The following CCDC178 variants were observed in gnomAD, a reference collection of about 807,000 sequenced individuals.
The protein encoded by CCDC178 is coiled-coil domain containing 178.
CCDC178 carries 126 observed loss-of-function variants against 117.4 expected under a neutral mutation model. The observed-to-expected ratio is 1.07, with a 90% CI of 0.93 to 1.24. The LOEUF (loss-of-function observed/expected upper bound fraction) is 1.24, where lower values mean the gene tolerates loss of function less well. CCDC178 is among the 50% of genes most tolerant of loss of function. The pLI, the probability that CCDC178 is intolerant of heterozygous loss-of-function variation, is 0.00. For missense variants in CCDC178, 1,030 were observed against 986.9 expected, an observed-to-expected ratio of 1.04 and a Z score of -0.59; for synonymous variants, 283 against 313.4, an observed-to-expected ratio of 0.90 and a Z score of 1.02.
intron 11 of CCDC178, among the ~76,000 whole-genome samples, chr18:33,300,496 G>C (rs1248343994): frequency 6.6e-6 from 1 of 152,168 alleles, no homozygotes; most frequent in East Asian, 1.9e-4. Flanking sequence ...AGAAGGTTTG[G>C]AACTTCTAAG....
At chr18:33,098,454 C>T (rs751661081) in intron 20 of CCDC178, among the ~76,000 whole-genome samples, 23 of 152,156 alleles carry the variant, frequency 1.5e-4, no homozygotes, top group Non-Finnish European at 2.9e-4. Context: ...ATGTAACTGT[C>T]TGTTGCTGTC....
chr18:32,959,241 A>G (rs895560896), intron 22 of CCDC178, among the ~76,000 whole-genome samples: 6 of 152,144 alleles, frequency 3.9e-5, no homozygotes, highest in Admixed American at 2.0e-4. Context: ...AGGTTTGGTC[A>G]TGTTAGATGA....
At chr18:33,204,647 A>G (rs187712912) in intron 20 of CCDC178, among the ~76,000 whole-genome samples, 87 of 152,300 alleles carry the variant, frequency 5.7e-4, no homozygotes, top group Non-Finnish European at 8.7e-4. Flanking sequence ...GAAAATGTAT[A>G]AACTCAATTG....
chr18:33,194,314 T>C (rs1481671981), intron 20 of CCDC178, among the ~76,000 whole-genome samples: 3 of 152,170 alleles, frequency 2.0e-5, no homozygotes, highest in Non-Finnish European at 4.4e-5. Context: ...TTGACCAAGA[T>C]AATGAAATAG....
intron 21 of CCDC178, among the ~76,000 whole-genome samples, chr18:33,037,661 C>A (rs2144882153): frequency 6.6e-6 from 1 of 152,010 alleles, no homozygotes; most frequent in Middle Eastern, 3.4e-3. Flanking sequence ...TGTAAACTCT[C>A]TTGGATAAAT....
At chr18:33,366,397 C>T (rs1428954553) in intron 6 of CCDC178, among the ~76,000 whole-genome samples, 1 of 151,886 alleles carries the variant, frequency 6.6e-6, no homozygotes, top group Non-Finnish European at 1.5e-5. Flanking sequence ...ATCATTGCAC[C>T]AAACTTTTGT....
intron 21 of CCDC178, among the ~76,000 whole-genome samples, chr18:32,977,222 T>G (rs1325275794): frequency 6.6e-6 from 1 of 152,166 alleles, no homozygotes; most frequent in Non-Finnish European, 1.5e-5. Context: ...CCGTCTAACT[T>G]AAAGTTTAAG....
Position 33,267,239 on chromosome 18 carries a change from T to C in CCDC178, c.1235A>G (p.Asn412Ser). 1 of 1,602,660 alleles carries C rather than the reference T, an allele frequency of 6.2e-7. No homozygotes were observed. Among genetic ancestry groups the C allele is most frequent in the Non-Finnish European group, 8.5e-7 (1 of 1,176,678 alleles). Residue 412 changes from asparagine (N) to serine (S), a missense_variant, in exon 13 of 23, where the codon AAT (asparagine) becomes AGT (serine). Coordinates refer to ENST00000383096, the MANE Select transcript of CCDC178 (RefSeq NM_001105528.4). ...QLTWKQKSHE[N>S]QYLEAVNDFY... ...ATCATTAACTGCTTCCAGATACTGATTTTCATGACTTTTTTGCTTCCAGGT... is the reference window on the plus strand; with the variant it reads ...ATCATTAACTGCTTCCAGATACTGACTTTCATGACTTTTTTGCTTCCAGGT...
intron 11 of CCDC178, among the ~76,000 whole-genome samples, chr18:33,296,946 C>T (rs922461566): frequency 2.8e-4 from 43 of 152,032 alleles, no homozygotes; most frequent in Non-Finnish European, 5.9e-5. Flanking sequence ...ATTGCTTGAA[C>T]CCAGGAGGCA....
intron 6 of CCDC178, among the ~76,000 whole-genome samples, chr18:33,358,464 A>T (rs1235573754): frequency 1.3e-5 from 2 of 151,926 alleles, no homozygotes; most frequent in Non-Finnish European, 2.9e-5. Flanking sequence ...AGTGGGATGG[A>T]ACAGGCCAGA....
intron 21 of CCDC178, among the ~76,000 whole-genome samples, chr18:32,994,185 T>TTAA (rs111674202): frequency 0.15 from 22,301 of 152,076 alleles, 2,341 homozygotes; most frequent in African/African-American, 0.3. Flanking sequence ...ACTAAATCTC[T>TTAA]TTTCTAACTC....
At position 32,956,998 on chromosome 18, in the gene CCDC178, AAG is replaced by A. The variant is rs1011593534; in HGVS notation, c.2523+17547_2523+17548del. The stretch of plus-strand genomic sequence containing the variant: ...AAAGCTAAAGAGAAAGAGATGAAAT[AAG>A]AGAAAAAGAAGCCGTTTTGATACAG... On this transcript the variant is annotated intron_variant, in intron 22 of 22. Transcript: ENST00000383096. 8.0e-4 allele frequency among the ~76,000 whole-genome samples: 105 copies of A among 130,600 alleles called. 1 individual carries two copies. The highest frequency in any genetic ancestry group is 1.6e-4 in the Admixed American group (2 of 12,810). The allele number at this position is 130,600 out of a possible 152,430, so 85.7% of individuals were successfully genotyped here. A position where few individuals can be genotyped will look rare whatever the true frequency, so the allele number is the denominator to read the frequency against.
chr18:33,255,474 G>A (rs185754827), intron 14 of CCDC178, among the ~76,000 whole-genome samples: 3 of 152,092 alleles, frequency 2.0e-5, no homozygotes, highest in East Asian at 3.9e-4. Flanking sequence ...ATAAGGGCCT[G>A]GTTTATTTTA....
chr18:33,037,293 T>C (rs926581374), intron 21 of CCDC178, among the ~76,000 whole-genome samples: 2 of 152,002 alleles, frequency 1.3e-5, no homozygotes, highest in African/African-American at 4.8e-5. Flanking sequence ...AATTTCTATG[T>C]TCCTTTGATT....
rs144942900 is a variant in CCDC178 at position 33,208,369 on chromosome 18, T to G, written c.2238+3527A>C. Among the ~76,000 whole-genome samples the G allele has an allele frequency of 3.1e-3, 466 of 152,202 alleles. 4 individuals are homozygous for G. The highest frequency in any genetic ancestry group is 0.011 in the African/African-American group (453 of 41,564). ...AATTTAGACCACAGAATATGTCATT[T>G]TTTTTACTCAAAGTAATCTCTAATT... On this transcript the variant is annotated intron_variant, in intron 20 of 22. Transcript: ENST00000383096.
At chr18:32,945,109 A>G (rs942240177) in intron 22 of CCDC178, among the ~76,000 whole-genome samples, 1 of 152,204 alleles carries the variant, frequency 6.6e-6, no homozygotes, top group Non-Finnish European at 1.5e-5. Context: ...TTGAACCCAC[A>G]CAAATCAGAG....
At chr18:33,166,904 T>C (rs758945965) in intron 20 of CCDC178, among the ~76,000 whole-genome samples, 22 of 152,156 alleles carry the variant, frequency 1.4e-4, no homozygotes, top group Non-Finnish European at 3.2e-4. Context: ...ACCTGATAGG[T>C]AATTTTTCGA....
In CCDC178 at chr18:33,293,158, C is replaced by T. The variant is rs745636622; in HGVS notation, c.1176+1G>A. ...TTTTATTTCTAATATGAAAAACTCA[C>T]CATTTTTGATAGAGAATGTAATTCA... On this transcript the variant is annotated splice_donor_variant, in intron 12 of 22. Coordinates refer to ENST00000383096, the MANE Select transcript of CCDC178 (RefSeq NM_001105528.4). LOFTEE classifies it high-confidence loss of function. 2 of 1,545,704 alleles carry T rather than the reference C, an allele frequency of 1.3e-6. No homozygotes were observed. Among genetic ancestry groups the T allele is most frequent in the African/African-American group, 2.8e-5 (2 of 72,152 alleles).
chr18:33,248,565 C>A (rs565239390), intron 14 of CCDC178, among the ~76,000 whole-genome samples: 17 of 151,990 alleles, frequency 1.1e-4, no homozygotes, highest in Admixed American at 5.9e-4. Context: ...ATGGTTTCAG[C>A]TTCATCCATG....
Sources: gnomAD v4.1 joint callset for allele counts (sites outside exome capture counted in the v4.1 genomes callset) on GRCh38, gnomAD v4.1.1 for gene constraint, MANE v1.5 for transcripts, NCBI Gene and HGNC (gene_info 2026-07-23, HGNC 2026-07-21) for gene names.